RAB40B: variants seen among roughly 807,000 people sequenced by gnomAD.
RAB40B encodes ras-related protein Rab-40B.
RAB40B carries 21 observed loss-of-function variants against 24.0 expected under a neutral mutation model. The ratio of observed to expected loss-of-function variants is 0.88; its 90% CI spans 0.62 to 1.26. The LOEUF (loss-of-function observed/expected upper bound fraction) is 1.26. Among genes scored for constraint, RAB40B ranks in the 50% most tolerant of loss-of-function variants. RAB40B has a pLI of 0.00. For missense variants in RAB40B, 348 were observed against 390.5 expected (o/e 0.89, Z 0.92); for synonymous variants, 167 against 169.8 (o/e 0.98, Z 0.13).
chr17:82,683,443 A>T (rs1363716048), intron 1 of RAB40B, among the ~76,000 whole-genome samples: 1 of 152,224 alleles, frequency 6.6e-6, no homozygotes, highest in Non-Finnish European at 1.5e-5. Flanking sequence ...AACGTATTTA[A>T]ACATTCTCAA....
In RAB40B at chr17:82,697,328, C is replaced by T. The variant is rs1267809127; in HGVS notation, c.142+1127G>A. ...GGGACAGCCTGCACCCTCTACCGAGCAGCCTCAGATCCCGCTTCCTCCCAC... is the reference window on the plus strand; with the variant it reads ...GGGACAGCCTGCACCCTCTACCGAGTAGCCTCAGATCCCGCTTCCTCCCAC... On this transcript the variant is annotated intron_variant, in intron 1 of 5. Transcript: ENST00000571995. This position sits in a 1 kb window ranked among gnomAD's most constrained non-coding sequence, Gnocchi z 4.9. Among the ~76,000 whole-genome samples the T allele has an allele frequency of 6.6e-6, 1 of 152,174 alleles. No homozygotes were observed. The highest frequency in any genetic ancestry group is 2.4e-5 in the African/African-American group (1 of 41,456).
At chr17:82,685,638 G>A (rs534729836) in intron 1 of RAB40B, among the ~76,000 whole-genome samples, 16 of 152,252 alleles carry the variant, frequency 1.1e-4, no homozygotes, top group South Asian at 4.1e-4. Flanking sequence ...CCAAGAAGAG[G>A]GGACCCACAG....
At chr17:82,695,289 T>C (rs1421771815) in intron 1 of RAB40B, among the ~76,000 whole-genome samples, 5 of 151,134 alleles carry the variant, frequency 3.3e-5, no homozygotes, top group African/African-American at 4.9e-5. Flanking sequence ...CCTCCTGGGT[T>C]CCAGCGATTC....
chr17:82,675,816 C>T lies in RAB40B; in HGVS notation c.143-11260G>A, dbSNP rs2046388376. Among the ~76,000 whole-genome samples the T allele has an allele frequency of 1.3e-5, 2 of 152,160 alleles. No individual in the cohort carries two copies. The highest frequency in any genetic ancestry group is 1.9e-4 in the East Asian group (1 of 5,172). ...CACCTTGGGGTTAGGTTTCAGCACCCGAATTTGGGGGGGTCACAAACATTC... is the reference window on the plus strand; with the variant it reads ...CACCTTGGGGTTAGGTTTCAGCACCTGAATTTGGGGGGGTCACAAACATTC... On this transcript the variant is annotated intron_variant, in intron 1 of 5. Coordinates refer to ENST00000571995, the MANE Select transcript of RAB40B (RefSeq NM_006822.3). The surrounding 1 kb of genome is among the most constrained non-coding windows in gnomAD (Gnocchi z 4.5).
chr17:82,689,948 CAG>C (rs1289821539), intron 1 of RAB40B, among the ~76,000 whole-genome samples: 1 of 118,556 alleles, frequency 8.4e-6, no homozygotes, highest in Non-Finnish European at 1.7e-5. Context: ...GCCTGGGTGA[CAG>C]AGCAAAACTT....
In RAB40B at chr17:82,660,684, A is replaced by G. The variant is rs200528124; in HGVS notation, c.264+303T>C. Among the ~76,000 whole-genome samples the G allele has an allele frequency of 2.0e-4, 14 of 69,298 alleles. No homozygotes were observed. The Admixed American group carries it at 2.3e-3, about 11-fold the overall frequency. The allele number at this position is 69,298 out of a possible 152,430, so 45.5% of individuals were successfully genotyped here. A position where few individuals can be genotyped will look rare whatever the true frequency, so the allele number is the denominator to read the frequency against. ...GCACAGTGCACGTACCTGCACACACATGTACACACACACACACACACAGGC... is the reference window on the plus strand; with the variant it reads ...GCACAGTGCACGTACCTGCACACACGTGTACACACACACACACACACAGGC... On this transcript the variant is annotated intron_variant, in intron 3 of 5. Transcript: ENST00000571995.
At position 82,657,486 on chromosome 17, in the gene RAB40B, G is replaced by T. The variant is rs2046097178; in HGVS notation, c.*377C>A. On this transcript the variant is annotated 3_prime_UTR_variant, in exon 6 of 6. Transcript: ENST00000571995. The stretch of plus-strand genomic sequence containing the variant: ...ATCAGTGACTCTAAATTATCCCGCT[G>T]CCATTGCTTCTCAAATTCCATTGAA... 3.3e-5 allele frequency: 12 copies of T among 360,556 alleles called. 1 individual carries two copies. The highest frequency in any genetic ancestry group is 2.6e-4 in the South Asian group (12 of 45,390). The allele number at this position is 360,556 out of a possible 1,614,324, so 22.3% of individuals were successfully genotyped here.
chr17:82,661,371 G>A, intron 2 of RAB40B: 1 of 830,458 alleles, frequency 1.2e-6, no homozygotes, highest in South Asian at 3.3e-5. Context: ...AATCTATGCA[G>A]TAAGGAGTGT....
At position 82,682,181 on chromosome 17, in the gene RAB40B, A is replaced by G. The variant is rs770213067; in HGVS notation, c.142+16274T>C. ...CACACATACACCTCTCCAAAAACCA[A>G]TAAGAAAGCTATTAGAACTCATAAG... On this transcript the variant is annotated intron_variant, in intron 1 of 5. Coordinates refer to ENST00000571995, the MANE Select transcript of RAB40B (RefSeq NM_006822.3). 9.3e-4 allele frequency among the ~76,000 whole-genome samples: 142 copies of G among 152,062 alleles called. 9 individuals carry two copies. Among genetic ancestry groups the G allele is most frequent in the Non-Finnish European group, 3.5e-4 (24 of 68,020 alleles).
intron 1 of RAB40B, among the ~76,000 whole-genome samples, chr17:82,695,338 C>T (rs1218372457): frequency 1.3e-5 from 2 of 150,696 alleles, no homozygotes; most frequent in Non-Finnish European, 2.9e-5. Context: ...ATTACAGGCA[C>T]GCGGCACCAC....
At chr17:82,685,037 C>T (rs1006123543) in intron 1 of RAB40B, among the ~76,000 whole-genome samples, 3 of 151,374 alleles carry the variant, frequency 2.0e-5, no homozygotes, top group Non-Finnish European at 2.9e-5. Context: ...TCGCTTGAAT[C>T]CAAAGGCAGG....
chr17:82,693,584 G>C (rs1598320465), intron 1 of RAB40B, among the ~76,000 whole-genome samples: 2 of 152,218 alleles, frequency 1.3e-5, no homozygotes, highest in African/African-American at 4.8e-5. Flanking sequence ...AAATGCAAAG[G>C]ATGTGTACTA....
At chr17:82,683,963 G>A (rs1269342054) in intron 1 of RAB40B, among the ~76,000 whole-genome samples, 1 of 152,172 alleles carries the variant, frequency 6.6e-6, no homozygotes, top group East Asian at 1.9e-4. Context: ...GCTAACGCCT[G>A]TAATCCCAGC....
At chr17:82,683,959 G>A (rs549082237) in intron 1 of RAB40B, among the ~76,000 whole-genome samples, 3 of 152,070 alleles carry the variant, frequency 2.0e-5, no homozygotes, top group Admixed American at 6.5e-5. Flanking sequence ...AGCGGCTAAC[G>A]CCTGTAATCC....
At chr17:82,662,960 G>A (rs2046193452) in intron 2 of RAB40B, among the ~76,000 whole-genome samples, 1 of 152,110 alleles carries the variant, frequency 6.6e-6, no homozygotes, top group African/African-American at 2.4e-5. Flanking sequence ...CCCTCAGGAA[G>A]GAGTGGTCTC....
At chr17:82,676,513 G>A (rs987740016) in intron 1 of RAB40B, among the ~76,000 whole-genome samples, 2 of 146,322 alleles carry the variant, frequency 1.4e-5, no homozygotes, top group Admixed American at 7.0e-5. Flanking sequence ...CGAGTCTCTC[G>A]GCTCTTCCCA....
At chr17:82,683,186 A>G (rs143034746) in intron 1 of RAB40B, among the ~76,000 whole-genome samples, 2 of 152,182 alleles carry the variant, frequency 1.3e-5, no homozygotes, top group African/African-American at 2.4e-5. Flanking sequence ...CCCAAAATGG[A>G]CCATAGTCAT....
At chr17:82,670,893 T>C (rs945178538) in intron 1 of RAB40B, among the ~76,000 whole-genome samples, 2 of 152,064 alleles carry the variant, frequency 1.3e-5, no homozygotes, top group Non-Finnish European at 2.9e-5. Context: ...TCTGTTTTCA[T>C]GGAGTCATGG....
At chr17:82,693,857 C>T (rs1459322043) in intron 1 of RAB40B, among the ~76,000 whole-genome samples, 1 of 151,770 alleles carries the variant, frequency 6.6e-6, no homozygotes, top group Non-Finnish European at 1.5e-5. Flanking sequence ...CCGAGGCGGG[C>T]AGATCACCTT....
Sources: gnomAD v4.1 joint callset for allele counts (sites outside exome capture counted in the v4.1 genomes callset) on GRCh38, gnomAD v4.1.1 for gene constraint, Gnocchi (gnomAD v3.1) non-coding constraint, MANE v1.5 for transcripts, NCBI Gene and HGNC (gene_info 2026-07-23, HGNC 2026-07-21) for gene names.